The following DCLRE1C variants were observed in gnomAD, a reference collection of about 807,000 sequenced individuals.
The protein encoded by DCLRE1C is DNA cross-link repair 1C, also known as protein artemis.
A neutral mutation model predicts 61.4 loss-of-function variants in DCLRE1C; 47 were observed. The observed-to-expected ratio is 0.77, with a 90% CI of 0.61 to 0.98. DCLRE1C has a LOEUF of 0.98. Ranked by LOEUF, DCLRE1C falls within the 50% of genes least tolerant of loss-of-function variation. DCLRE1C has a pLI of 0.00. For missense variants in DCLRE1C, 858 were observed against 816.0 expected (o/e 1.05, Z -0.63); for synonymous variants, 337 against 287.6 (o/e 1.17, Z -1.74).
chr10:14,920,399 G>A (rs1836901631), intron 12 of DCLRE1C: 1 of 1,011,844 alleles, frequency 9.9e-7, no homozygotes, highest in Non-Finnish European at 1.2e-6. Context: ...AGGCCTCACT[G>A]CCAACTGCCT....
chr10:14,941,121 C>T (rs1017582383), intron 3 of DCLRE1C, among the ~76,000 whole-genome samples: 20 of 152,124 alleles, frequency 1.3e-4, no homozygotes, highest in African/African-American at 4.8e-4. Flanking sequence ...CAGGTGATCC[C>T]TCCACCTCAG....
chr10:14,902,580 A>AT, downstream of DCLRE1C: 1 of 992,648 alleles, frequency 1.0e-6, no homozygotes, highest in Non-Finnish European at 1.4e-6. Context: ...TTAAAAATAC[A>AT]TATTTGGGAC....
chr10:14,953,354 A>C (rs1341482542), intron 1 of DCLRE1C, among the ~76,000 whole-genome samples: 2 of 152,150 alleles, frequency 1.3e-5, no homozygotes, highest in African/African-American at 4.8e-5. Flanking sequence ...GTAGCTTTTC[A>C]GGTTGCCTGA....
chr10:14,948,041 C>A (rs943935041), intron 2 of DCLRE1C, among the ~76,000 whole-genome samples: 9 of 152,090 alleles, frequency 5.9e-5, no homozygotes, highest in African/African-American at 2.2e-4. Flanking sequence ...CAGAGCAACA[C>A]CCTGTCACAA....
downstream of DCLRE1C, among the ~76,000 whole-genome samples, chr10:14,900,628 G>T (rs150985488): frequency 2.4e-3 from 370 of 152,176 alleles, 2 homozygotes; most frequent in African/African-American, 8.3e-3. Context: ...TGCATATTCC[G>T]TAAGTTTACT....
intron 5 of DCLRE1C, 107 bp from the exon 6 acceptor site, chr10:14,935,671 C>A (rs1839791505): frequency 1.8e-6 from 2 of 1,096,492 alleles, no homozygotes; most frequent in Non-Finnish European, 1.4e-6. Flanking sequence ...ATATCCATTA[C>A]AATACAATGG....
intron 11 of DCLRE1C, chr10:14,923,524 G>A: frequency 4.9e-6 from 1 of 202,872 alleles, no homozygotes; most frequent in Non-Finnish European, 1.0e-5. Flanking sequence ...GCATTTCTTA[G>A]CTGGGCACAG....
chr10:14,924,023 G>T (rs374876165), intron 11 of DCLRE1C, among the ~76,000 whole-genome samples: 1 of 152,236 alleles, frequency 6.6e-6, no homozygotes, highest in African/African-American at 2.4e-5. Context: ...CCATCATGCT[G>T]TCTGAAATAA....
At chr10:14,948,336 C>T (rs958569630) in intron 2 of DCLRE1C, among the ~76,000 whole-genome samples, 1 of 152,196 alleles carries the variant, frequency 6.6e-6, no homozygotes, top group African/African-American at 2.4e-5. Flanking sequence ...AGCCTGACAT[C>T]CACTGGCCCT....
chr10:14,932,769 G>C, intron 9 of DCLRE1C, 85 bp downstream of exon 9: 2 of 1,489,212 alleles, frequency 1.3e-6, no homozygotes, highest in East Asian at 2.3e-5. Flanking sequence ...TTTGTAAAGC[G>C]AAGAGCCTAT....
chr10:14,899,604 CTT>C, intron 13 of DCLRE1C: 1 of 1,614,102 alleles, frequency 6.2e-7, no homozygotes. Flanking sequence ...TCACGTATCT[CTT>C]TGATCTGGAC....
At chr10:14,945,868 G>A (rs1841602629) in intron 2 of DCLRE1C, among the ~76,000 whole-genome samples, 1 of 151,280 alleles carries the variant, frequency 6.6e-6, no homozygotes, top group South Asian at 2.1e-4. Context: ...ACGTTGGCCA[G>A]GCTGGTCTCG....
intron 1 of DCLRE1C, among the ~76,000 whole-genome samples, chr10:14,950,895 A>G (rs541096872): frequency 1.0e-3 from 154 of 152,190 alleles, no homozygotes; most frequent in African/African-American, 3.6e-3. Context: ...CAACCATCAT[A>G]AATTGTCCCC....
At chr10:14,920,381 C>T in intron 12 of DCLRE1C, 1 of 1,020,492 alleles carries the variant, frequency 9.8e-7, no homozygotes, top group Non-Finnish European at 1.2e-6. Context: ...ACGTCCTACC[C>T]CTTTCGAAGG....
At chr10:14,919,506 C>T (rs535466968) in intron 13 of DCLRE1C, among the ~76,000 whole-genome samples, 1 of 152,194 alleles carries the variant, frequency 6.6e-6, no homozygotes, top group African/African-American at 2.4e-5. Flanking sequence ...GAACACCACA[C>T]ACGATGGCAC....
Position 14,908,370 on chromosome 10 carries a change from T to G in DCLRE1C, c.*38A>C. On this transcript the variant is annotated 3_prime_UTR_variant, in exon 14 of 14. Coordinates refer to ENST00000378278, the MANE Select transcript of DCLRE1C (RefSeq NM_001033855.3). ...TATTGACTGTCATCTCTGTGCAGGT[T>G]TTTTAGTGGTTGCTCTAGGTTGAAA... The G allele has an allele frequency of 1.3e-6, 2 of 1,493,732 alleles. No individual in the cohort carries two copies. Among genetic ancestry groups the G allele is most frequent in the Non-Finnish European group, 1.9e-6 (2 of 1,072,948 alleles). 92.5% of individuals were successfully genotyped at this position (1,493,732 alleles called of 1,614,324 possible).
chr10:14,944,357 G>A (rs569447151), intron 3 of DCLRE1C, among the ~76,000 whole-genome samples: 1 of 152,096 alleles, frequency 6.6e-6, no homozygotes, highest in South Asian at 2.1e-4. Flanking sequence ...ATATTAGCCG[G>A]GTATGGTGGT....
At chr10:14,948,405 G>T (rs770240140) in intron 2 of DCLRE1C, among the ~76,000 whole-genome samples, 2 of 152,148 alleles carry the variant, frequency 1.3e-5, no homozygotes, top group Non-Finnish European at 2.9e-5. Context: ...TGCAAGAGAA[G>T]CATCTAACAG....
At chr10:14,928,371 T>C (rs541440506) in intron 9 of DCLRE1C, among the ~76,000 whole-genome samples, 3 of 152,080 alleles carry the variant, frequency 2.0e-5, no homozygotes, top group Non-Finnish European at 4.4e-5. Context: ...AAACCATCAA[T>C]GTGAAGACAA....
Sources: gnomAD v4.1 joint callset for allele counts (sites outside exome capture counted in the v4.1 genomes callset) on GRCh38, gnomAD v4.1.1 for gene constraint, MANE v1.5 for transcripts, NCBI Gene and HGNC (gene_info 2026-07-23, HGNC 2026-07-21) for gene names.